MAP2K5: variants seen among roughly 807,000 people sequenced by gnomAD.
MAP2K5 encodes dual specificity mitogen-activated protein kinase kinase 5.
MAP2K5 carries 49 observed loss-of-function variants against 83.1 expected under a neutral mutation model. The observed-to-expected ratio is 0.59, with a 90% CI of 0.47 to 0.75. MAP2K5 has a LOEUF of 0.75. MAP2K5 is among the 30% of genes least tolerant of loss of function. MAP2K5 has a pLI of 0.00. For synonymous variants in MAP2K5, 202 were observed against 191.8 expected (o/e 1.05, Z -0.44); for missense variants, 457 against 557.5 (o/e 0.82, Z 1.82).
Position 67,801,496 on chromosome 15 carries a change from GC to G in MAP2K5, c.1243-5148del, listed in dbSNP as rs1305662581. 1.3e-5 allele frequency among the ~76,000 whole-genome samples: 2 copies of G among 152,202 alleles called. No individual in the cohort carries two copies. The highest frequency in any genetic ancestry group is 4.8e-5 in the African/African-American group (2 of 41,436). On this transcript the variant is annotated intron_variant, in intron 21 of 21. Coordinates refer to ENST00000178640, the MANE Select transcript of MAP2K5 (RefSeq NM_145160.3). The surrounding 1 kb of genome is among the most constrained non-coding windows in gnomAD (Gnocchi z 4.8). ...AGAGAGCCACCAAATGTCTAGAGCA[GC>G]CACAGCTTATGGAGCCATCTCCCCA... is the stretch of plus-strand genomic sequence containing the variant.
At chr15:67,582,055 ATTTCTTT>A (rs987182791) in intron 4 of MAP2K5, among the ~76,000 whole-genome samples, 5 of 134,862 alleles carry the variant, frequency 3.7e-5, no homozygotes, top group Non-Finnish European at 1.6e-5. Flanking sequence ...GATGTAGATG[ATTTCTTT>A]TTTTTTTTTT....
In MAP2K5 at chr15:67,714,752, G is replaced by A. The variant is rs80069524; in HGVS notation, c.1044+11344G>A. On this transcript the variant is annotated intron_variant, in intron 16 of 21. Transcript: ENST00000178640. ...CAAAATTTGAAGTACTCCCAAATTC[G>A]AAATTTTTTGAGCACTAACTTGAAC... 1.0e-2 allele frequency among the ~76,000 whole-genome samples: 1,522 copies of A among 152,204 alleles called. 11 individuals carry two copies. The highest frequency in any genetic ancestry group is 0.065 in the Middle Eastern group (19 of 294).
chr15:67,615,443 T>C (rs1338295772), intron 8 of MAP2K5, among the ~76,000 whole-genome samples: 2 of 152,198 alleles, frequency 1.3e-5, no homozygotes, highest in Admixed American at 1.3e-4. Flanking sequence ...TTACTTTGGA[T>C]TTCCTGTTTT....
chr15:67,641,557 A>G, intron 9 of MAP2K5: 1 of 997,698 alleles, frequency 1.0e-6, no homozygotes, highest in Non-Finnish European at 1.2e-6. Context: ...AATTGAGCAC[A>G]GAGTAAATTA....
Position 67,717,614 on chromosome 15 carries a change from C to T in MAP2K5, c.1045-10302C>T, listed in dbSNP as rs1387283998. 6.6e-6 allele frequency among the ~76,000 whole-genome samples: 1 copy of T among 152,184 alleles called. No individual in the cohort carries two copies. The highest frequency in any genetic ancestry group is 2.4e-5 in the African/African-American group (1 of 41,444). On this transcript the variant is annotated intron_variant, in intron 16 of 21. Transcript: ENST00000178640. This position sits in a 1 kb window ranked among gnomAD's most constrained non-coding sequence, Gnocchi z 4.1. ...AATAACCATTTATTTACTCAGGATT[C>T]TGTGGGTCAGGAATCCTAGCAAGGC...
rs2087712623 is a variant in MAP2K5, at chr15:67,677,654, T to G, written c.847+13009T>G. 6.6e-6 allele frequency among the ~76,000 whole-genome samples: 1 copy of G among 152,224 alleles called. No homozygotes were observed. The highest frequency in any genetic ancestry group is 1.5e-5 in the Non-Finnish European group (1 of 68,036). On this transcript the variant is annotated intron_variant, in intron 13 of 21. Transcript: ENST00000178640. The surrounding 1 kb of genome is among the most constrained non-coding windows in gnomAD (Gnocchi z 4.2). ...GTATCTTAGACTTGGGGAAGTAGGTTGTGCAGGAACACATTCCTCCAGACC... is the reference window on the plus strand; with the variant it reads ...GTATCTTAGACTTGGGGAAGTAGGTGGTGCAGGAACACATTCCTCCAGACC...
intron 17 of MAP2K5, among the ~76,000 whole-genome samples, chr15:67,744,837 A>AC (rs149625170): frequency 0.1 from 15,676 of 152,248 alleles, 894 homozygotes; most frequent in Admixed American, 0.11. Flanking sequence ...CTAATTGCTA[A>AC]TGATGGTCCT....
At chr15:67,616,434 G>A (rs936663137) in intron 8 of MAP2K5, among the ~76,000 whole-genome samples, 2 of 152,122 alleles carry the variant, frequency 1.3e-5, no homozygotes, top group African/African-American at 4.8e-5. Flanking sequence ...ATCTCAGAGA[G>A]CTTTCTTTTC....
chr15:67,659,757 A>G lies in MAP2K5; in HGVS notation c.798+1143A>G, dbSNP rs529638716. ...GATACCAATTGAAAAAGAAAAAAGT[A>G]TACAACTTCTATATATTCAGTTATC... is the stretch of plus-strand genomic sequence containing the variant. On this transcript the variant is annotated intron_variant, in intron 12 of 21. Coordinates refer to ENST00000178640, the MANE Select transcript of MAP2K5 (RefSeq NM_145160.3). 3.9e-5 allele frequency among the ~76,000 whole-genome samples: 6 copies of G among 152,304 alleles called. No individual in the cohort carries two copies. The South Asian group carries it at 6.2e-4, about 16-fold the overall frequency.
intron 8 of MAP2K5, among the ~76,000 whole-genome samples, chr15:67,622,740 A>C (rs1421863204): frequency 6.6e-6 from 1 of 152,172 alleles, no homozygotes; most frequent in African/African-American, 2.4e-5. Flanking sequence ...GCCAAGGGCA[A>C]TAATAGAGCA....
chr15:67,572,957 A>C lies in MAP2K5; in HGVS notation c.253-7797A>C, dbSNP rs1003718620. On this transcript the variant is annotated intron_variant, in intron 3 of 21. Transcript: ENST00000178640. The surrounding 1 kb of genome is among the most constrained non-coding windows in gnomAD (Gnocchi z 4.2). Reference sequence around the variant, plus strand: ...GTGATCTGCCTGCCTCGGCCTGCCAAAGTGCTGGGATTACAGGCGTGAGCC... The same window carrying C: ...GTGATCTGCCTGCCTCGGCCTGCCACAGTGCTGGGATTACAGGCGTGAGCC... Among the ~76,000 whole-genome samples the C allele has an allele frequency of 9.2e-5, 14 of 152,262 alleles. No homozygotes were observed. The highest frequency in any genetic ancestry group is 3.1e-4 in the African/African-American group (13 of 41,542).
intron 13 of MAP2K5, among the ~76,000 whole-genome samples, chr15:67,672,891 T>G (rs1477543131): frequency 1.3e-4 from 20 of 152,102 alleles, no homozygotes; most frequent in Non-Finnish European, 2.5e-4. Context: ...GCTAGCCAGT[T>G]TTCCCAGCAC....
At chr15:67,632,200 A>G (rs765566281) in intron 9 of MAP2K5, among the ~76,000 whole-genome samples, 3 of 151,610 alleles carry the variant, frequency 2.0e-5, no homozygotes, top group Non-Finnish European at 4.4e-5. Context: ...CACAGGTCCA[A>G]GAGATCCTCC....
At chr15:67,623,481 G>A (rs1233140764) in intron 8 of MAP2K5, among the ~76,000 whole-genome samples, 1 of 152,154 alleles carries the variant, frequency 6.6e-6, no homozygotes, top group Admixed American at 6.5e-5. Flanking sequence ...CTTTATTAGA[G>A]GGTCATTTGT....
At chr15:67,622,082 TG>T (rs375868624) in intron 8 of MAP2K5, among the ~76,000 whole-genome samples, 81 of 132,606 alleles carry the variant, frequency 6.1e-4, no homozygotes, top group African/African-American at 2.3e-3. Context: ...TACCCAGAGG[TG>T]GCAGTGAGCC....
rs1271025544 is a variant in MAP2K5, at chr15:67,750,496, T to C, written c.1134+1895T>C. 1.3e-5 allele frequency among the ~76,000 whole-genome samples: 2 copies of C among 152,220 alleles called. No homozygotes were observed. Among genetic ancestry groups the C allele is most frequent in the Non-Finnish European group, 2.9e-5 (2 of 68,038 alleles). ...TCCTATGTGTCTGTCAGAGTTCTCA[T>C]TGCTGTGATGCAGTGTTCCTCATAG... On this transcript the variant is annotated intron_variant, in intron 19 of 21. Transcript: ENST00000178640. The surrounding 1 kb of genome is among the most constrained non-coding windows in gnomAD (Gnocchi z 4.2).
At position 67,801,828 on chromosome 15, in the gene MAP2K5, C is replaced by G. The variant is rs1445012077; in HGVS notation, c.1243-4818C>G. On this transcript the variant is annotated intron_variant, in intron 21 of 21. Coordinates refer to ENST00000178640, the MANE Select transcript of MAP2K5 (RefSeq NM_145160.3). The surrounding 1 kb of genome is among the most constrained non-coding windows in gnomAD (Gnocchi z 4.8). ...GCAGGCATTGCACCAGGCCCTGCAG[C>G]CACACCAGCAAGTTATTAAATTATT... is the stretch of plus-strand genomic sequence containing the variant. 6.6e-6 allele frequency among the ~76,000 whole-genome samples: 1 copy of G among 152,136 alleles called. No individual in the cohort carries two copies. The highest frequency in any genetic ancestry group is 1.5e-5 in the Non-Finnish European group (1 of 68,016).
rs554199213 is a variant in MAP2K5, at chr15:67,551,425, T to G, written c.184+1343T>G. Reference sequence around the variant, plus strand: ...ATAGCTCACTGTAACCTTGAACTCCTGGGCTTACACAATCCTCCCACCTCA... The same window carrying G: ...ATAGCTCACTGTAACCTTGAACTCCGGGGCTTACACAATCCTCCCACCTCA... On this transcript the variant is annotated intron_variant, in intron 2 of 21. Coordinates refer to ENST00000178640, the MANE Select transcript of MAP2K5 (RefSeq NM_145160.3). 1.8e-4 allele frequency among the ~76,000 whole-genome samples: 28 copies of G among 152,202 alleles called. No homozygotes were observed. In the East Asian group the frequency reaches 2.9e-3, roughly 16 times the overall value.
Position 67,769,567 on chromosome 15 carries a change from G to T in MAP2K5, c.1135-35G>T. On this transcript the variant is annotated intron_variant, in intron 19 of 21. Transcript: ENST00000178640. The surrounding 1 kb of genome is among the most constrained non-coding windows in gnomAD (Gnocchi z 5.2). ...ATATAAAGAAAGAGAAGGAACTGTTGTGACTTTTGGTGACATGTTTTTCCT... is the reference window on the plus strand; with the variant it reads ...ATATAAAGAAAGAGAAGGAACTGTTTTGACTTTTGGTGACATGTTTTTCCT... 6.2e-7 allele frequency: 1 copy of T among 1,603,344 alleles called. No homozygotes were observed. The highest frequency in any genetic ancestry group is 2.2e-5 in the East Asian group (1 of 44,786).
Sources: allele counts gnomAD v4.1 joint callset (sites outside exome capture counted in the v4.1 genomes callset), GRCh38; gene constraint gnomAD v4.1.1; non-coding constraint Gnocchi (gnomAD v3.1); transcripts MANE v1.5; gene names NCBI Gene and HGNC (gene_info 2026-07-23, HGNC 2026-07-21).